ANO10: variants seen among roughly 807,000 people sequenced by gnomAD.
ANO10 encodes the protein anoctamin-10.
Under a neutral mutation model 74.7 loss-of-function variants are expected in ANO10, and 77 were observed. That is an observed-to-expected ratio of 1.03 (90% CI 0.86 to 1.25). The LOEUF (loss-of-function observed/expected upper bound fraction) is 1.25. ANO10 is among the 50% of genes most tolerant of loss of function. ANO10 has a pLI of 0.00. For synonymous variants in ANO10, 279 were observed against 284.9 expected (o/e 0.98, Z 0.21); for missense variants, 721 against 778.1 (o/e 0.93, Z 0.87).
chr3:43,390,602 T>C (rs946726788), intron 12 of ANO10, among the ~76,000 whole-genome samples: 2 of 152,314 alleles, frequency 1.3e-5, no homozygotes, highest in African/African-American at 4.8e-5. Flanking sequence ...GAGGACCCAG[T>C]GTGGGAGCTG....
chr3:43,372,754 G>T, intron 12 of ANO10: 1 of 1,205,852 alleles, frequency 8.3e-7, no homozygotes, highest in Non-Finnish European at 1.2e-6. Context: ...AGAGAGCAGG[G>T]CCATGACTAG....
intron 7 of ANO10, among the ~76,000 whole-genome samples, chr3:43,571,249 A>C (rs952238712): frequency 3.9e-5 from 6 of 152,090 alleles, no homozygotes; most frequent in Admixed American, 2.6e-4. Context: ...ACTGTAAACT[A>C]GTTCAACCAT....
At chr3:43,572,090 C>A (rs2080759308) in intron 7 of ANO10, among the ~76,000 whole-genome samples, 1 of 152,190 alleles carries the variant, frequency 6.6e-6, no homozygotes, top group African/African-American at 2.4e-5. Context: ...CCCCACCCAA[C>A]AGAAGGAGGA....
At chr3:43,425,291 A>C (rs954232587) in intron 12 of ANO10, among the ~76,000 whole-genome samples, 1 of 150,982 alleles carries the variant, frequency 6.6e-6, no homozygotes, top group South Asian at 2.1e-4. Flanking sequence ...GGTCTCCTAA[A>C]GTGCTAGGAT....
chr3:43,499,012 T>C (rs2077009112), intron 11 of ANO10, among the ~76,000 whole-genome samples: 4 of 152,150 alleles, frequency 2.6e-5, no homozygotes, highest in Admixed American at 6.5e-5. Flanking sequence ...TGGTGAGTAC[T>C]GAGGAAGAAG....
At chr3:43,379,089 A>G (rs1174875621) in intron 12 of ANO10, among the ~76,000 whole-genome samples, 1 of 152,152 alleles carries the variant, frequency 6.6e-6, no homozygotes, top group Non-Finnish European at 1.5e-5. Flanking sequence ...CTGCTATGCT[A>G]CAGGATCCTG....
At position 43,555,318 on chromosome 3, in the gene ANO10, C is replaced by T. The variant is rs372086237; in HGVS notation, c.1628G>A (p.Arg543His). ...DALKMCRVFK[R>H]PFSEPSANIG... ...ATTGGCTGAAGGTTCTGAGAATGGA[C>T]GTTTGAAGACCCTGCACATTTTTAA... is the stretch of plus-strand genomic sequence containing the variant. Residue 543 changes from arginine (R) to histidine (H), a missense_variant, in exon 10 of 13, where the codon CGT becomes CAT. Coordinates refer to ENST00000292246, the MANE Select transcript of ANO10 (RefSeq NM_018075.5). 49 of 1,613,844 alleles carry T rather than the reference C, an allele frequency of 3.0e-5. No homozygotes were observed. In the Admixed American group the frequency reaches 3.5e-4, roughly 12 times the overall value.
chr3:43,413,841 T>C (rs1386014588), intron 12 of ANO10, among the ~76,000 whole-genome samples: 2 of 151,744 alleles, frequency 1.3e-5, no homozygotes, highest in Non-Finnish European at 2.9e-5. Flanking sequence ...ACCAGGAAAG[T>C]AGCCTGCATG....
At chr3:43,571,759 G>A (rs1228904703) in intron 7 of ANO10, among the ~76,000 whole-genome samples, 4 of 148,258 alleles carry the variant, frequency 2.7e-5, no homozygotes, top group East Asian at 2.0e-4. Flanking sequence ...TGGGTGCAGC[G>A]CACCAGCATG....
intron 12 of ANO10, among the ~76,000 whole-genome samples, chr3:43,408,626 G>A (rs1465776642): frequency 1.3e-5 from 2 of 152,180 alleles, no homozygotes; most frequent in East Asian, 1.9e-4. Flanking sequence ...CTTCATCGAA[G>A]AGACTGCAGT....
intron 11 of ANO10, among the ~76,000 whole-genome samples, chr3:43,503,691 G>A (rs1303001672): frequency 1.3e-5 from 2 of 152,168 alleles, no homozygotes; most frequent in African/African-American, 2.4e-5. Context: ...AAATAAAATA[G>A]TTTCAAACAG....
intron 12 of ANO10, among the ~76,000 whole-genome samples, chr3:43,368,948 C>A (rs553450040): frequency 6.6e-6 from 1 of 152,222 alleles, no homozygotes; most frequent in African/African-American, 2.4e-5. Flanking sequence ...GGAAGAAAAT[C>A]AAAATGGGAG....
chr3:43,381,530 T>C (rs1465042857), intron 12 of ANO10, among the ~76,000 whole-genome samples: 1 of 152,092 alleles, frequency 6.6e-6, no homozygotes, highest in Non-Finnish European at 1.5e-5. Context: ...CAATCTTAAA[T>C]ATATATGCAC....
At chr3:43,519,151 A>C (rs2077839758) in intron 11 of ANO10, among the ~76,000 whole-genome samples, 1 of 152,208 alleles carries the variant, frequency 6.6e-6, no homozygotes, top group Middle Eastern at 3.2e-3. Context: ...GGAAAATAGA[A>C]AAGAACCTAC....
chr3:43,566,263 G>A (rs1381505342), intron 7 of ANO10, among the ~76,000 whole-genome samples: 1 of 152,212 alleles, frequency 6.6e-6, no homozygotes, highest in East Asian at 1.9e-4. Flanking sequence ...TGGGGGAGGG[G>A]CGCCCGCCAT....
chr3:43,511,622 C>T (rs2149183279), intron 11 of ANO10, among the ~76,000 whole-genome samples: 1 of 152,262 alleles, frequency 6.6e-6, no homozygotes, highest in Middle Eastern at 3.4e-3. Flanking sequence ...GTAGCTCCCA[C>T]CTTAGTACCC....
At chr3:43,668,149 CGTT>C (rs1424049608) in intron 1 of ANO10, among the ~76,000 whole-genome samples, 3 of 151,998 alleles carry the variant, frequency 2.0e-5, no homozygotes, top group Non-Finnish European at 2.9e-5. Context: ...GGTGGTATCT[CGTT>C]GTGGTTTTAA....
intron 11 of ANO10, among the ~76,000 whole-genome samples, chr3:43,501,388 T>C (rs1388854601): frequency 6.6e-6 from 1 of 151,972 alleles, no homozygotes; most frequent in East Asian, 1.9e-4. Flanking sequence ...ACCACAACAT[T>C]ACAGATCATA....
At position 43,366,350 on chromosome 3, in the gene ANO10, GC is replaced by G. The variant is rs146757037; in HGVS notation, c.*555del. 100 of 178,104 alleles carry G rather than the reference GC, an allele frequency of 5.6e-4. No homozygotes were observed. Among genetic ancestry groups the G allele is most frequent in the African/African-American group, 2.2e-3 (93 of 42,420 alleles). The allele number at this position is 178,104 out of a possible 1,614,324, so 11.0% of individuals were successfully genotyped here. A position where few individuals can be genotyped will look rare whatever the true frequency, so the allele number is the denominator to read the frequency against. Reference sequence around the variant, plus strand: ...GTAGGCAGAAGGAGTCAGAGAGGTTGCCTTTAATAGCTCAGTTACTATTGTT... The same window carrying G: ...GTAGGCAGAAGGAGTCAGAGAGGTTGCTTTAATAGCTCAGTTACTATTGTT... On this transcript the variant is annotated 3_prime_UTR_variant, in exon 13 of 13. Transcript: ENST00000292246.
Sources: gnomAD v4.1 joint callset for allele counts (sites outside exome capture counted in the v4.1 genomes callset) on GRCh38, gnomAD v4.1.1 for gene constraint, MANE v1.5 for transcripts, NCBI Gene and HGNC (gene_info 2026-07-23, HGNC 2026-07-21) for gene names.